PDE8B: variants seen among roughly 807,000 people sequenced by gnomAD.
The protein encoded by PDE8B is phosphodiesterase 8B.
PDE8B carries 26 observed loss-of-function variants against 101.3 expected under a neutral mutation model. The observed-to-expected ratio is 0.26, with a 90% CI of 0.19 to 0.36. The LOEUF (loss-of-function observed/expected upper bound fraction) is 0.36. Among genes scored for constraint, PDE8B ranks in the 10% least tolerant of loss-of-function variants. The pLI is 1.00. For synonymous variants in PDE8B, 424 were observed against 429.3 expected (o/e 0.99, Z 0.15); for missense variants, 810 against 1,163.1 (o/e 0.70, Z 4.42).
chr5:77,112,006 TA>T, the PDE8B span: 2 of 152,142 alleles, frequency 1.3e-5, no homozygotes, highest in Non-Finnish European at 2.9e-5. Context: ...AAAAAAAAAT[TA>T]AATTATATGT....
At chr5:77,089,353 T>C in the PDE8B span, 12 of 158,844 alleles carry the variant, frequency 7.6e-5, no homozygotes, top group Non-Finnish European at 1.2e-4. Flanking sequence ...CAGACGGGCC[T>C]GTCTAATTGC....
intron 2 of PDE8B, among the ~76,000 whole-genome samples, chr5:77,317,595 C>T (rs1438164278): frequency 6.6e-6 from 1 of 152,180 alleles, no homozygotes; most frequent in Non-Finnish European, 1.5e-5. Flanking sequence ...TCATATTTTC[C>T]AATCTTGGCT....
chr5:77,209,119 T>C (rs1188025799), upstream of PDE8B, among the ~76,000 whole-genome samples: 1 of 152,212 alleles, frequency 6.6e-6, no homozygotes, highest in Non-Finnish European at 1.5e-5. Context: ...GCAATTTGCC[T>C]GTCCATTAAA....
the PDE8B span, among the ~76,000 whole-genome samples, chr5:77,185,483 T>C: frequency 1.7e-4 from 26 of 152,334 alleles, no homozygotes; most frequent in South Asian, 3.3e-3. Context: ...AATGACCTCA[T>C]TTAAAATTAA....
intron 1 of PDE8B, among the ~76,000 whole-genome samples, chr5:77,309,943 CTTTTTTTTT>C (rs955296324): frequency 6.8e-4 from 78 of 114,170 alleles, no homozygotes; most frequent in East Asian, 8.0e-4. Flanking sequence ...AATCATTAAT[CTTTTTTTTT>C]TTTTTTTTTT....
At chr5:77,225,868 ACACACACACACACCCCACG>A (rs1192162482) in intron 1 of PDE8B, among the ~76,000 whole-genome samples, 2 of 145,142 alleles carry the variant, frequency 1.4e-5, no homozygotes, top group African/African-American at 5.2e-5. Context: ...ACACACACAC[ACACACACACACACCCCACG>A]CACACATCTC....
chr5:77,127,552 C>T, the PDE8B span, among the ~76,000 whole-genome samples: 1 of 152,076 alleles, frequency 6.6e-6, no homozygotes, highest in Admixed American at 6.5e-5. Flanking sequence ...ACCCCAGGTC[C>T]TTCAGTTTCT....
At chr5:77,347,983 G>T (rs1345650997) in intron 7 of PDE8B, among the ~76,000 whole-genome samples, 3 of 152,086 alleles carry the variant, frequency 2.0e-5, no homozygotes, top group Non-Finnish European at 4.4e-5. Flanking sequence ...CAGTAATGGG[G>T]CCAGGAGGGG....
At chr5:77,135,926 C>A in the PDE8B span, among the ~76,000 whole-genome samples, 3 of 152,184 alleles carry the variant, frequency 2.0e-5, no homozygotes, top group East Asian at 5.8e-4. Flanking sequence ...AGGTGCCTGG[C>A]CTCAAAATTC....
At chr5:77,260,436 C>T (rs1327402930) in intron 1 of PDE8B, among the ~76,000 whole-genome samples, 2 of 152,064 alleles carry the variant, frequency 1.3e-5, no homozygotes, top group Non-Finnish European at 2.9e-5. Context: ...GCAAATACTT[C>T]TGAAAACTTT....
At chr5:77,336,267 A>C (rs996568802) in intron 5 of PDE8B, among the ~76,000 whole-genome samples, 1 of 152,210 alleles carries the variant, frequency 6.6e-6, no homozygotes, top group Non-Finnish European at 1.5e-5. Context: ...CTTAGCACAT[A>C]CACAGTGTTG....
chr5:77,322,918 T>C (rs566426668), intron 2 of PDE8B, among the ~76,000 whole-genome samples: 1 of 152,382 alleles, frequency 6.6e-6, no homozygotes, highest in East Asian at 1.9e-4. Context: ...GCTGTTGTAA[T>C]GCCCAACAAG....
chr5:77,098,902 C>A, the PDE8B span, among the ~76,000 whole-genome samples: 1 of 152,070 alleles, frequency 6.6e-6, no homozygotes, highest in Non-Finnish European at 1.5e-5. Flanking sequence ...GCTTTTAGGG[C>A]AAACCCACTC....
chr5:77,305,387 C>G (rs1770961306), intron 1 of PDE8B, among the ~76,000 whole-genome samples: 1 of 152,154 alleles, frequency 6.6e-6, no homozygotes, highest in Non-Finnish European at 1.5e-5. Flanking sequence ...CCAGGAGGTG[C>G]TGGAGGGCAG....
upstream of PDE8B, among the ~76,000 whole-genome samples, chr5:77,210,234 A>G (rs900965356): frequency 6.6e-6 from 1 of 151,928 alleles, no homozygotes; most frequent in East Asian, 1.9e-4. The surrounding 1 kb of genome is among the most constrained non-coding windows in gnomAD (Gnocchi z 4.9). Context: ...ATGAGTGCAG[A>G]AGAGACGAGG....
the PDE8B span, among the ~76,000 whole-genome samples, chr5:77,176,811 G>A: frequency 6.6e-6 from 1 of 152,178 alleles, no homozygotes; most frequent in Non-Finnish European, 1.5e-5. Context: ...GATGCTTTAT[G>A]GTTCAGAAGC....
chr5:77,229,476 G>C (rs750651416), intron 1 of PDE8B, among the ~76,000 whole-genome samples: 52 of 152,252 alleles, frequency 3.4e-4, no homozygotes, highest in Non-Finnish European at 5.6e-4. Flanking sequence ...CCATTTTGAA[G>C]TGCACAGTTC....
intron 1 of PDE8B, among the ~76,000 whole-genome samples, chr5:77,303,188 A>G (rs1045639387): frequency 2.0e-5 from 3 of 152,194 alleles, no homozygotes; most frequent in Admixed American, 2.0e-4. Flanking sequence ...TACATATACA[A>G]GAAGATAGAA....
At chr5:77,250,760 A>T (rs1385406016) in intron 1 of PDE8B, among the ~76,000 whole-genome samples, 1 of 152,136 alleles carries the variant, frequency 6.6e-6, no homozygotes, top group Non-Finnish European at 1.5e-5. Context: ...TGGCCTCAGG[A>T]TTCACTGACA....
Sources: allele counts gnomAD v4.1 joint callset (sites outside exome capture counted in the v4.1 genomes callset), GRCh38; gene constraint gnomAD v4.1.1; non-coding constraint Gnocchi (gnomAD v3.1); transcripts MANE v1.5; gene names NCBI Gene and HGNC (gene_info 2026-07-23, HGNC 2026-07-21).